Variants in TRIM33 observed in about 807,000 individuals in gnomAD.
The protein encoded by TRIM33 is E3 ubiquitin-protein ligase TRIM33.
TRIM33 carries 20 observed loss-of-function variants against 125.4 expected under a neutral mutation model. The ratio of observed to expected loss-of-function variants is 0.16; its 90% CI spans 0.11 to 0.23. The LOEUF (loss-of-function observed/expected upper bound fraction) is 0.23, where lower values mean the gene tolerates loss of function less well. Ranked by LOEUF, TRIM33 falls within the 10% of genes least tolerant of loss-of-function variation. The pLI is 1.00. For missense variants in TRIM33, 920 were observed against 1,411.4 expected (o/e 0.65, Z 5.58); for synonymous variants, 564 against 513.9 (o/e 1.10, Z -1.32).
At chr1:114,451,348 C>T (rs1029255006) in intron 4 of TRIM33, among the ~76,000 whole-genome samples, 1 of 147,684 alleles carries the variant, frequency 6.8e-6, no homozygotes, top group African/African-American at 2.5e-5. Context: ...TCAGATCCAC[C>T]AAATCTTCCA....
intron 1 of TRIM33, among the ~76,000 whole-genome samples, chr1:114,502,357 T>C (rs1652767987): frequency 6.6e-6 from 1 of 152,188 alleles, no homozygotes; most frequent in Non-Finnish European, 1.5e-5. Context: ...ACAGTCTTAG[T>C]TACTGAGGAA....
chr1:114,495,171 G>A (rs1039666760), intron 1 of TRIM33, among the ~76,000 whole-genome samples: 104 of 152,092 alleles, frequency 6.8e-4, no homozygotes, highest in African/African-American at 2.4e-3. Context: ...CATCTCGGCC[G>A]CCCAAAGTGC....
intron 1 of TRIM33, among the ~76,000 whole-genome samples, chr1:114,499,379 A>T (rs941906321): frequency 2.0e-5 from 3 of 152,132 alleles, no homozygotes. Context: ...AGGGTGCATA[A>T]GCAAAGAACA....
intron 1 of TRIM33, among the ~76,000 whole-genome samples, chr1:114,507,869 G>A (rs1041628708): frequency 2.6e-5 from 4 of 152,098 alleles, no homozygotes; most frequent in African/African-American, 9.7e-5. Flanking sequence ...GTAATCCCAG[G>A]ACTTTGGGAG....
intron 4 of TRIM33, among the ~76,000 whole-genome samples, chr1:114,445,777 A>C (rs1648936168): frequency 6.6e-6 from 1 of 152,200 alleles, no homozygotes; most frequent in Non-Finnish European, 1.5e-5. Flanking sequence ...CAAAGTAGTA[A>C]TATCAATATC....
At chr1:114,487,970 A>C (rs1309424117) in intron 1 of TRIM33, among the ~76,000 whole-genome samples, 1 of 151,170 alleles carries the variant, frequency 6.6e-6, no homozygotes. Context: ...TGGATTTCTT[A>C]AATCATGTGA....
rs564027285 is a variant in TRIM33, at chr1:114,508,425, C to G, written c.526+2126G>C. Among the ~76,000 whole-genome samples the G allele has an allele frequency of 3.9e-5, 6 of 152,230 alleles. No homozygotes were observed. The South Asian group carries it at 1.2e-3, about 32-fold the overall frequency. ...CAGGTTCCCACAAGAACACTGAATCCTATGTGTCTTACTATGGTCATGGGT... is the reference window on the plus strand; with the variant it reads ...CAGGTTCCCACAAGAACACTGAATCGTATGTGTCTTACTATGGTCATGGGT... On this transcript the variant is annotated intron_variant, in intron 1 of 19. Transcript: ENST00000358465.
intron 4 of TRIM33, among the ~76,000 whole-genome samples, chr1:114,447,384 TATGCAACTGAAAAAAAAA>T (rs998014385): frequency 2.0e-5 from 3 of 151,542 alleles, no homozygotes; most frequent in African/African-American, 7.3e-5. Flanking sequence ...ATTTTTGGCC[TATGCAACTGAAAAAAAAA>T]ATGCAACTGC....
Position 114,481,368 on chromosome 1 carries a change from G to A in TRIM33, c.527-16980C>T, listed in dbSNP as rs568870110. On this transcript the variant is annotated intron_variant, in intron 1 of 19. Coordinates refer to ENST00000358465, the MANE Select transcript of TRIM33 (RefSeq NM_015906.4). ...TAGCACTTTGGGAAGCCAAGGTGGT[G>A]GATCACGAGGTCAGGGGTTCAAGAC... is the stretch of plus-strand genomic sequence containing the variant. 1.6e-3 allele frequency among the ~76,000 whole-genome samples: 242 copies of A among 152,180 alleles called. 1 individual carries two copies. Among genetic ancestry groups the A allele is most frequent in the African/African-American group, 5.5e-3 (229 of 41,534 alleles).
At chr1:114,448,305 T>C (rs779478500) in intron 4 of TRIM33, among the ~76,000 whole-genome samples, 1 of 151,854 alleles carries the variant, frequency 6.6e-6, no homozygotes, top group Non-Finnish European at 1.5e-5. Context: ...GTAGAGGGAG[T>C]CTGTAGTTCT....
At chr1:114,478,926 T>C (rs1651134430) in intron 1 of TRIM33, among the ~76,000 whole-genome samples, 1 of 152,116 alleles carries the variant, frequency 6.6e-6, no homozygotes. Context: ...TGGGCACCTG[T>C]AATTCCAGCT....
At chr1:114,453,016 A>G (rs1649407990) in intron 4 of TRIM33, among the ~76,000 whole-genome samples, 1 of 152,108 alleles carries the variant, frequency 6.6e-6, no homozygotes, top group Non-Finnish European at 1.5e-5. Context: ...CAGAGCGAGG[A>G]AGAGGGGGTG....
chr1:114,443,865 T>C (rs1648812239), intron 4 of TRIM33, among the ~76,000 whole-genome samples: 1 of 151,148 alleles, frequency 6.6e-6, no homozygotes, highest in Non-Finnish European at 1.5e-5. Flanking sequence ...AGACCCTGTT[T>C]CTTAAAAAAA....
chr1:114,466,339 G>A (rs1002300069), intron 1 of TRIM33, among the ~76,000 whole-genome samples: 1 of 152,130 alleles, frequency 6.6e-6, no homozygotes, highest in South Asian at 2.1e-4. Context: ...AAGAATGAAC[G>A]TGACTATACT....
chr1:114,447,250 T>A (rs779709726), intron 4 of TRIM33, among the ~76,000 whole-genome samples: 21 of 152,044 alleles, frequency 1.4e-4, no homozygotes, highest in Non-Finnish European at 2.8e-4. Context: ...GAGACCAGGG[T>A]AGAGGCAACA....
Position 114,410,119 on chromosome 1 carries a change from T to A in TRIM33, c.2194+65A>T, listed in dbSNP as rs1652486723. 2.5e-6 allele frequency: 4 copies of A among 1,577,790 alleles called. No individual in the cohort carries two copies. The South Asian group carries it at 3.3e-5, about 13-fold the overall frequency. ...TTCTGTTTTTCTGGAGAATTCTGAC[T>A]AAGACAGATACTGACACTGTTTTTT... On this transcript the variant is annotated intron_variant, in intron 12 of 19. Coordinates refer to ENST00000358465, the MANE Select transcript of TRIM33 (RefSeq NM_015906.4).
intron 4 of TRIM33, among the ~76,000 whole-genome samples, chr1:114,440,766 G>A (rs533864993): frequency 2.6e-5 from 4 of 152,222 alleles, no homozygotes; most frequent in African/African-American, 9.6e-5. Context: ...AAAAAAGGGG[G>A]GGAATACAAA....
At chr1:114,442,940 T>G (rs1037059706) in intron 4 of TRIM33, among the ~76,000 whole-genome samples, 3 of 152,082 alleles carry the variant, frequency 2.0e-5, no homozygotes, top group African/African-American at 7.2e-5. Context: ...CTCCCTACTT[T>G]TAATATAAAT....
chr1:114,459,301 T>G (rs141595154), intron 4 of TRIM33, among the ~76,000 whole-genome samples: 109 of 152,110 alleles, frequency 7.2e-4, no homozygotes, highest in African/African-American at 2.6e-3. Flanking sequence ...TAATCACGCA[T>G]CCCTAAATAA....
Sources: allele counts gnomAD v4.1 joint callset (sites outside exome capture counted in the v4.1 genomes callset), GRCh38; gene constraint gnomAD v4.1.1; transcripts MANE v1.5; gene names NCBI Gene and HGNC (gene_info 2026-07-23, HGNC 2026-07-21).